The following SNAP91 variants were observed in gnomAD, a reference collection of about 807,000 sequenced individuals.
SNAP91 encodes synaptosome associated protein 91, also known as clathrin coat assembly protein AP180.
SNAP91 carries 27 observed loss-of-function variants against 100.3 expected under a neutral mutation model. The ratio of observed to expected loss-of-function variants is 0.27; its 90% CI spans 0.20 to 0.37. The LOEUF (loss-of-function observed/expected upper bound fraction) is 0.37. SNAP91 is among the 10% of genes least tolerant of loss of function. The pLI is 1.00. For synonymous variants in SNAP91, 404 were observed against 398.6 expected, an observed-to-expected ratio of 1.01 and a Z score of -0.16; for missense variants, 986 against 1,123.7, an observed-to-expected ratio of 0.88 and a Z score of 1.75.
At chr6:83,690,270 T>C in intron 2 of SNAP91, 1 of 1,170,414 alleles carries the variant, frequency 8.5e-7, no homozygotes, top group Non-Finnish European at 1.1e-6. Context: ...TAAATAATAC[T>C]GTGATCCAAA....
chr6:83,691,793 TATTTGAAAAGTGTAA>T (rs756095835), intron 2 of SNAP91, among the ~76,000 whole-genome samples: 11 of 152,142 alleles, frequency 7.2e-5, no homozygotes, highest in Non-Finnish European at 1.2e-4. Context: ...AAAACCTAAA[TATTTGAAAAGTGTAA>T]AGTAATATCT....
chr6:83,580,582 C>A lies in SNAP91; in HGVS notation c.2167G>T (p.Asp723Tyr). ...FDPSVFDGLG[D>Y]LLMPTMAPAG... ...GGTGCCATGGTTGGCATCAAAAGAT[C>A]ACCTAGACCATCAAACACTGGAAAT... The change falls in exon 24 of 30, where the codon GAT becomes TAT. Residue 723 changes from aspartate (D) to tyrosine (Y), a missense_variant. Physicochemically the swap from Asp to Tyr is radical, Grantham distance 160. Coordinates refer to ENST00000369694, the MANE Select transcript of SNAP91 (RefSeq NM_001242792.2). 1 of 1,609,730 alleles carries A rather than the reference C, an allele frequency of 6.2e-7. No individual in the cohort carries two copies. Among genetic ancestry groups the A allele is most frequent in the Non-Finnish European group, 8.5e-7 (1 of 1,178,628 alleles).
At chr6:83,649,868 C>T (rs541023230) in intron 7 of SNAP91, among the ~76,000 whole-genome samples, 16 of 152,100 alleles carry the variant, frequency 1.1e-4, no homozygotes, top group East Asian at 1.9e-4. Context: ...GGATTACAGG[C>T]GTGAGCCACC....
chr6:83,581,572 AT>A (rs1828594496), intron 23 of SNAP91, among the ~76,000 whole-genome samples: 1 of 152,230 alleles, frequency 6.6e-6, no homozygotes. Context: ...CTATACAATA[AT>A]TTTAAAGTGA....
intron 7 of SNAP91, among the ~76,000 whole-genome samples, chr6:83,651,831 T>C (rs945046421): frequency 6.6e-6 from 1 of 152,174 alleles, no homozygotes; most frequent in Non-Finnish European, 1.5e-5. Flanking sequence ...CCATTACTGA[T>C]AGAGGAGGTT....
At position 83,664,391 on chromosome 6, in the gene SNAP91, AT is replaced by A. The variant is rs144481958; in HGVS notation, c.273+1047del. Among the ~76,000 whole-genome samples, 1,153 of 152,274 alleles carry A rather than the reference AT, an allele frequency of 7.6e-3. 5 individuals are homozygous for A. Among genetic ancestry groups the A allele is most frequent in the Non-Finnish European group, 0.012 (825 of 68,004 alleles). ...GACCATTCTAGATGCCATTAAAAAC[AT>A]TTGTGATTCATGGGAGGACATACAG... On this transcript the variant is annotated intron_variant, in intron 3 of 29. Transcript: ENST00000369694.
intron 25 of SNAP91, chr6:83,575,408 CATTT>C (rs929431315): frequency 1.3e-5 from 5 of 392,980 alleles, no homozygotes; most frequent in South Asian, 2.7e-5. Flanking sequence ...CAACTGGATT[CATTT>C]GTTATTAAAA....
chr6:83,566,129 T>C (rs1426571197), intron 26 of SNAP91, among the ~76,000 whole-genome samples: 1 of 152,166 alleles, frequency 6.6e-6, no homozygotes, highest in Non-Finnish European at 1.5e-5. Flanking sequence ...GGAGTACTGA[T>C]ACATGCTTCG....
Position 83,696,056 on chromosome 6 carries a change from A to T in SNAP91, c.130+11742T>A, listed in dbSNP as rs139178189. Among the ~76,000 whole-genome samples, 1,295 of 152,224 alleles carry T rather than the reference A, an allele frequency of 8.5e-3. 16 individuals carry two copies. Among genetic ancestry groups the T allele is most frequent in the African/African-American group, 0.029 (1,202 of 41,532 alleles). On this transcript the variant is annotated intron_variant, in intron 2 of 29. Transcript: ENST00000369694. The stretch of plus-strand genomic sequence containing the variant: ...CTCCTATGGAAACTTCCATGGGTAC[A>T]GTCATGCTCACTCAAGGGTAGCCAA...
intron 8 of SNAP91, among the ~76,000 whole-genome samples, chr6:83,636,416 C>T (rs1217080190): frequency 6.6e-6 from 1 of 152,100 alleles, no homozygotes; most frequent in African/African-American, 2.4e-5. Flanking sequence ...AAGGACTCGT[C>T]TTCAAGCTCT....
chr6:83,600,691 T>G (rs1583176136), intron 16 of SNAP91, among the ~76,000 whole-genome samples: 1 of 152,336 alleles, frequency 6.6e-6, no homozygotes, highest in East Asian at 1.9e-4. Flanking sequence ...AAGTGCTGCT[T>G]CAGATGTTTT....
rs112392320 is a variant in SNAP91, at chr6:83,696,658, T to C, written c.130+11140A>G. On this transcript the variant is annotated intron_variant, in intron 2 of 29. Coordinates refer to ENST00000369694, the MANE Select transcript of SNAP91 (RefSeq NM_001242792.2). ...CAGTTCTTGTTCACACCTCACCTACTTTAAGTACCCTTCATTCTTTAAGTC... is the reference window on the plus strand; with the variant it reads ...CAGTTCTTGTTCACACCTCACCTACCTTAAGTACCCTTCATTCTTTAAGTC... Among the ~76,000 whole-genome samples, 509 of 152,344 alleles carry C rather than the reference T, an allele frequency of 3.3e-3. 1 individual carries two copies. The highest frequency in any genetic ancestry group is 5.7e-3 in the Non-Finnish European group (390 of 68,022).
Position 83,659,015 on chromosome 6 carries a change from G to A in SNAP91, c.530C>T (p.Ala177Val), listed in dbSNP as rs777579032. ...GATACATACATCAAATTCAAGCAGT[G>A]CATCAATTTGTCCCTGTAGTATTGG... ...SMPILQGQID[A>V]LLEFDVHPNE... is the part of the protein sequence containing the mutation. Residue 177 changes from alanine (A) to valine (V), a missense_variant, in exon 6 of 30, where the codon GCA (alanine) becomes GTA (valine). Physicochemically the swap from Ala to Val is moderately conservative, Grantham distance 64 (BLOSUM62 0). This residue lies in a region of SNAP91 where 330 missense variants were observed against 447.5 expected (regional missense o/e 0.74). Transcript: ENST00000369694. 5 of 1,603,172 alleles carry A rather than the reference G, an allele frequency of 3.1e-6. No individual in the cohort carries two copies. Among genetic ancestry groups the A allele is most frequent in the African/African-American group, 1.3e-5 (1 of 74,652 alleles).
intron 16 of SNAP91, among the ~76,000 whole-genome samples, chr6:83,596,013 T>G (rs1378414726): frequency 1.3e-5 from 2 of 152,230 alleles, no homozygotes; most frequent in African/African-American, 4.8e-5. Context: ...TGGATTAATC[T>G]GATCTGATTG....
chr6:83,581,997 A>G (rs574505256), intron 23 of SNAP91, among the ~76,000 whole-genome samples: 1 of 152,368 alleles, frequency 6.6e-6, no homozygotes, highest in African/African-American at 2.4e-5. Context: ...TCTGCTAAAA[A>G]TAAACAGAAA....
chr6:83,602,070 C>T (rs1434924934), intron 14 of SNAP91, among the ~76,000 whole-genome samples: 2 of 152,052 alleles, frequency 1.3e-5, no homozygotes, highest in African/African-American at 4.8e-5. Flanking sequence ...AATATACAGA[C>T]ACACAACACA....
At chr6:83,627,736 T>A (rs2097003837) in intron 8 of SNAP91, among the ~76,000 whole-genome samples, 1 of 151,984 alleles carries the variant, frequency 6.6e-6, no homozygotes, top group Non-Finnish European at 1.5e-5. Flanking sequence ...GGATCTTCTC[T>A]TTTTTTCATT....
Position 83,582,285 on chromosome 6 carries a change from T to A in SNAP91, c.2086A>T (p.Asn696Tyr), listed in dbSNP as rs1401976700. Residue 696 changes from asparagine (N) to tyrosine (Y), a missense_variant, in exon 23 of 30, where the codon AAT becomes TAT. Around this residue, in one of 4 missense-constraint regions of SNAP91, gnomAD observed 575 missense variants for 579.9 expected, o/e 0.99. Coordinates refer to ENST00000369694, the MANE Select transcript of SNAP91 (RefSeq NM_001242792.2). ...GTTGTCCCAAAAGCTGCCTCAAAAT[T>A]GGGCTGTAGCAGGTTATTCTGAGCT... Reference protein sequence around the residue: ...TPAQNNLLQPNFEAAFGTTPS... With the variant: ...TPAQNNLLQPYFEAAFGTTPS... The A allele has an allele frequency of 5.0e-6, 8 of 1,613,636 alleles. No homozygotes were observed. The East Asian group carries it at 1.8e-4, about 36-fold the overall frequency.
intron 2 of SNAP91, chr6:83,689,710 A>C (rs867782255): frequency 1.3e-5 from 2 of 152,120 alleles, no homozygotes; most frequent in Middle Eastern, 3.2e-3. Flanking sequence ...TTAGAAAAAA[A>C]TTCATTAAAT....
Sources: gnomAD v4.1 joint callset for allele counts (sites outside exome capture counted in the v4.1 genomes callset) on GRCh38, gnomAD v4.1.1 for gene constraint, gnomAD v4.1.1 regional missense constraint, MANE v1.5 for transcripts, NCBI Gene and HGNC (gene_info 2026-07-23, HGNC 2026-07-21) for gene names.